The following SLC9C1 variants were observed in gnomAD, a reference collection of about 807,000 sequenced individuals.
SLC9C1 encodes the protein solute carrier family 9 member C1.
Under a neutral mutation model 140.9 loss-of-function variants are expected in SLC9C1, and 97 were observed. The ratio of observed to expected loss-of-function variants is 0.69; its 90% CI spans 0.58 to 0.82. The LOEUF is 0.82. Ranked by LOEUF, SLC9C1 falls within the 40% of genes least tolerant of loss-of-function variation. The probability of loss-of-function intolerance (pLI) is 0.00; values close to 1 mark genes in which losing one functional copy is unlikely to be tolerated. For synonymous variants in SLC9C1, 440 were observed against 442.6 expected (o/e 0.99, Z 0.07); for missense variants, 1,340 against 1,389.3 (o/e 0.96, Z 0.56).
chr3:112,221,048 C>A, intron 14 of SLC9C1, 80 bp downstream of exon 14: 1 of 1,198,636 alleles, frequency 8.3e-7, no homozygotes, highest in South Asian at 1.4e-5. Context: ...AGTTACCAGA[C>A]AAAAACAAGA....
chr3:112,264,434 T>A, intron 8 of SLC9C1, 91 bp from the exon 9 acceptor site: 1 of 701,996 alleles, frequency 1.4e-6, no homozygotes, highest in Non-Finnish European at 2.0e-6. Flanking sequence ...ATTGTGCTAA[T>A]GATTACCAAA....
At chr3:112,246,746 A>G (rs2079296192) in intron 10 of SLC9C1, among the ~76,000 whole-genome samples, 1 of 152,218 alleles carries the variant, frequency 6.6e-6, no homozygotes, top group Non-Finnish European at 1.5e-5. Flanking sequence ...TAAGCTACAC[A>G]CTTGCCTGTG....
At chr3:112,251,691 G>A (rs78992640) in intron 10 of SLC9C1, among the ~76,000 whole-genome samples, 15,776 of 152,190 alleles carry the variant, frequency 0.1, 876 homozygotes, top group East Asian at 0.2. Context: ...TGAGAGGGAG[G>A]TGCAAGCCAC....
intron 11 of SLC9C1, 33 bp downstream of exon 11, chr3:112,243,962 C>T (rs1559706045): frequency 7.1e-7 from 1 of 1,399,138 alleles, no homozygotes. Context: ...GAATGTTTTT[C>T]TCTCCACAGG....
At position 112,192,520 on chromosome 3, in the gene SLC9C1, T is replaced by G. The variant is rs538396382; in HGVS notation, c.2523+6801A>C. Among the ~76,000 whole-genome samples, 4 of 152,322 alleles carry G rather than the reference T, an allele frequency of 2.6e-5. No homozygotes were observed. In the South Asian group the frequency reaches 8.3e-4, roughly 32 times the overall value. ...TCTATTAATGGACACTTGGGTGGTG[T>G]CTACCTTTTATTGTTTCTATTCTTT... On this transcript the variant is annotated intron_variant, in intron 20 of 28. Transcript: ENST00000305815.
chr3:112,166,870 C>A (rs1479666703), intron 26 of SLC9C1, among the ~76,000 whole-genome samples: 1 of 152,090 alleles, frequency 6.6e-6, no homozygotes, highest in Non-Finnish European at 1.5e-5. Flanking sequence ...AATTATTCAT[C>A]TAGTTCCAGT....
At chr3:112,270,183 T>G in intron 6 of SLC9C1, 106 bp from the exon 7 acceptor site, 1 of 1,149,168 alleles carries the variant, frequency 8.7e-7, no homozygotes, top group Middle Eastern at 2.5e-4. Context: ...TAAAATTAGC[T>G]AACTGCCACA....
chr3:112,289,050 C>G (rs985188596), intron 1 of SLC9C1, among the ~76,000 whole-genome samples: 29 of 152,194 alleles, frequency 1.9e-4, no homozygotes, highest in African/African-American at 6.7e-4. Context: ...TTTAACCCAG[C>G]CAAGGTTAGC....
intron 2 of SLC9C1, among the ~76,000 whole-genome samples, chr3:112,286,079 A>G (rs1287813960): frequency 1.3e-5 from 2 of 152,136 alleles, no homozygotes; most frequent in African/African-American, 4.8e-5. Flanking sequence ...GTTAGTTTTC[A>G]TATTGCTTTT....
chr3:112,163,609 T>C (rs1274322201), intron 26 of SLC9C1, among the ~76,000 whole-genome samples: 2 of 151,954 alleles, frequency 1.3e-5, no homozygotes, highest in African/African-American at 2.4e-5. Context: ...TCCTGAGTTC[T>C]AGTTTGATTG....
chr3:112,191,070 C>T (rs929126440), intron 20 of SLC9C1, among the ~76,000 whole-genome samples: 8 of 151,646 alleles, frequency 5.3e-5, no homozygotes, highest in African/African-American at 1.9e-4. Flanking sequence ...GACTTTGTAT[C>T]CTACAACTTT....
chr3:112,143,512 G>A (rs1046947514), intron 28 of SLC9C1, among the ~76,000 whole-genome samples: 3 of 152,062 alleles, frequency 2.0e-5, no homozygotes, highest in Admixed American at 6.6e-5. Context: ...ACTTTTTCAT[G>A]TTTGCTGGCT....
chr3:112,183,344 CTTTTCTTTTTT>C (rs1461595745), intron 20 of SLC9C1, among the ~76,000 whole-genome samples: 1 of 20,964 alleles, frequency 4.8e-5, no homozygotes, highest in Non-Finnish European at 8.1e-5. Flanking sequence ...TATTTAGCAC[CTTTTCTTTTTT>C]TTTTTTTTTT....
intron 11 of SLC9C1, among the ~76,000 whole-genome samples, chr3:112,241,045 A>T (rs1195585710): frequency 6.6e-6 from 1 of 152,180 alleles, no homozygotes; most frequent in Non-Finnish European, 1.5e-5. Context: ...AGAATAAATA[A>T]GACTTACTAT....
intron 26 of SLC9C1, 108 bp downstream of exon 26, chr3:112,167,113 T>C: frequency 8.0e-7 from 1 of 1,243,434 alleles, no homozygotes; most frequent in Non-Finnish European, 1.1e-6. Context: ...GTTAAAAGGA[T>C]TCCTCAATAT....
intron 15 of SLC9C1, among the ~76,000 whole-genome samples, chr3:112,217,032 G>C (rs953108957): frequency 6.6e-6 from 1 of 152,068 alleles, no homozygotes; most frequent in Non-Finnish European, 1.5e-5. Flanking sequence ...GCCATAAAAA[G>C]GGATGAGTTC....
chr3:112,183,451 A>G (rs1373519371), intron 20 of SLC9C1, among the ~76,000 whole-genome samples: 1 of 140,376 alleles, frequency 7.1e-6, no homozygotes, highest in Non-Finnish European at 1.5e-5. Flanking sequence ...CTGAGGACAC[A>G]GCCACTTGGC....
At chr3:112,291,085 A>G (rs1000767802) in intron 1 of SLC9C1, among the ~76,000 whole-genome samples, 1 of 152,164 alleles carries the variant, frequency 6.6e-6, no homozygotes, top group Non-Finnish European at 1.5e-5. Flanking sequence ...TCTTGTCAGC[A>G]TGATGTTAGC....
intron 20 of SLC9C1, among the ~76,000 whole-genome samples, chr3:112,183,160 C>T (rs1001215424): frequency 6.6e-6 from 1 of 151,916 alleles, no homozygotes; most frequent in African/African-American, 2.4e-5. Flanking sequence ...TTAATAGGTA[C>T]TGCCAAATAT....
Sources: allele counts gnomAD v4.1 joint callset (sites outside exome capture counted in the v4.1 genomes callset), GRCh38; gene constraint gnomAD v4.1.1; transcripts MANE v1.5; gene names NCBI Gene and HGNC (gene_info 2026-07-23, HGNC 2026-07-21).